GMDS: variants seen among roughly 807,000 people sequenced by gnomAD.
GMDS encodes GDP-mannose 4,6 dehydratase.
Under a neutral mutation model 49.9 loss-of-function variants are expected in GMDS, and 20 were observed. That is an observed-to-expected ratio of 0.40 (90% confidence interval 0.28 to 0.58). The LOEUF (loss-of-function observed/expected upper bound fraction) is 0.58. GMDS is among the 20% of genes least tolerant of loss of function. The pLI is 0.42. For synonymous variants in GMDS, 177 were observed against 178.6 expected (o/e 0.99, Z 0.07); for missense variants, 362 against 481.4 (o/e 0.75, Z 2.32).
intron 4 of GMDS, among the ~76,000 whole-genome samples, chr6:1,973,768 T>C (rs1764744225): frequency 6.6e-6 from 1 of 152,140 alleles, no homozygotes; most frequent in African/African-American, 2.4e-5. Flanking sequence ...TCTAAATAGC[T>C]AATAATTCTT....
At chr6:2,128,318 G>A (rs1047919691) in intron 1 of GMDS, among the ~76,000 whole-genome samples, 3 of 151,794 alleles carry the variant, frequency 2.0e-5, no homozygotes, top group East Asian at 1.9e-4. Context: ...CAGATTACAG[G>A]TGCCCACCAC....
In GMDS at chr6:2,143,493, C is replaced by T. The variant is rs542688862; in HGVS notation, c.103-18762G>A. 4.6e-5 allele frequency among the ~76,000 whole-genome samples: 7 copies of T among 152,348 alleles called. No homozygotes were observed. The East Asian group carries it at 1.4e-3, about 29-fold the overall frequency. On this transcript the variant is annotated intron_variant, in intron 1 of 10. Transcript: ENST00000380815. ...ACCAGGATAAACTGACTGTGCTACT[C>T]TTTACTTAAAAATCAGCTTGATTTC...
At chr6:1,826,249 C>T (rs1771106525) in intron 7 of GMDS, among the ~76,000 whole-genome samples, 1 of 152,162 alleles carries the variant, frequency 6.6e-6, no homozygotes, top group Non-Finnish European at 1.5e-5. Flanking sequence ...CACGTCACTA[C>T]ATGATTAAAC....
chr6:1,738,154 T>TACAC lies in GMDS; in HGVS notation c.890+4310_890+4313dup, dbSNP rs34042918. ...ACACACATACACACACAGATACACATACACACACACAGACACATACACACA... is the reference window on the plus strand; with the variant it reads ...ACACACATACACACACAGATACACATACACACACACACACAGACACATACACACA... On this transcript the variant is annotated intron_variant, in intron 8 of 10. Transcript: ENST00000380815. Among the ~76,000 whole-genome samples the TACAC allele has an allele frequency of 7.0e-4, 105 of 149,684 alleles. 1 individual carries two copies. Among genetic ancestry groups the TACAC allele is most frequent in the African/African-American group, 2.4e-3 (96 of 40,396 alleles).
rs1338970188 is a variant in GMDS, at chr6:2,245,315, A to G, written c.102+6T>C. 5 of 1,530,792 alleles carry G rather than the reference A, an allele frequency of 3.3e-6. No homozygotes were observed. Among genetic ancestry groups the G allele is most frequent in the South Asian group, 1.2e-5 (1 of 84,230 alleles). 94.8% of individuals were successfully genotyped at this position (1,530,792 alleles called of 1,614,324 possible). ...TCGGCCGGCGCGCCCCCGCCCCCGC[A>G]CTCACCTGGCCTGTGATACCGGTGA... On this transcript the variant is annotated splice_donor_region_variant and intron_variant, in intron 1 of 10. Coordinates refer to ENST00000380815, the MANE Select transcript of GMDS (RefSeq NM_001500.4).
chr6:2,212,261 C>G (rs976877662), intron 1 of GMDS, among the ~76,000 whole-genome samples: 1 of 152,160 alleles, frequency 6.6e-6, no homozygotes, highest in Non-Finnish European at 1.5e-5. Flanking sequence ...CTGTTATTTT[C>G]TACTTGGGAA....
intron 7 of GMDS, among the ~76,000 whole-genome samples, chr6:1,917,617 C>A (rs1323362464): frequency 6.6e-6 from 1 of 152,190 alleles, no homozygotes; most frequent in Non-Finnish European, 1.5e-5. Flanking sequence ...GACTAAAGGA[C>A]ACACTGTAAG....
chr6:2,041,764 G>A (rs1383829955), intron 4 of GMDS, among the ~76,000 whole-genome samples: 2 of 152,260 alleles, frequency 1.3e-5, no homozygotes, highest in South Asian at 2.1e-4. Context: ...ATATGACATT[G>A]TAAAAACACA....
intron 7 of GMDS, among the ~76,000 whole-genome samples, chr6:1,887,543 A>G (rs1759668172): frequency 6.6e-6 from 1 of 152,156 alleles, no homozygotes; most frequent in African/African-American, 2.4e-5. Flanking sequence ...TTCTGTTATG[A>G]ATTTTCTTCT....
intron 7 of GMDS, among the ~76,000 whole-genome samples, chr6:1,867,592 C>T (rs962908619): frequency 6.6e-6 from 1 of 152,202 alleles, no homozygotes; most frequent in African/African-American, 2.4e-5. Flanking sequence ...AGCTGGACCC[C>T]TGGACATTCC....
chr6:1,863,902 T>C (rs189463275), intron 7 of GMDS, among the ~76,000 whole-genome samples: 1 of 152,290 alleles, frequency 6.6e-6, no homozygotes, highest in African/African-American at 2.4e-5. Context: ...AAAAGTTTAA[T>C]ATATATTTTC....
intron 7 of GMDS, among the ~76,000 whole-genome samples, chr6:1,853,057 G>A (rs770922281): frequency 3.3e-5 from 5 of 151,976 alleles, no homozygotes; most frequent in Non-Finnish European, 7.4e-5. Flanking sequence ...TTCTGTCCTT[G>A]TTGAGAGAAA....
At position 2,135,951 on chromosome 6, in the gene GMDS, C is replaced by G. The variant is rs139359280; in HGVS notation, c.103-11220G>C. On this transcript the variant is annotated intron_variant, in intron 1 of 10. Coordinates refer to ENST00000380815, the MANE Select transcript of GMDS (RefSeq NM_001500.4). ...GAAATGTACCATTGCATGAACATTA[C>G]AGTATACTTGCACAAACCTAGGTAG... Among the ~76,000 whole-genome samples, 864 of 152,240 alleles carry G rather than the reference C, an allele frequency of 5.7e-3. 2 individuals are homozygous for G. Among genetic ancestry groups the G allele is most frequent in the Middle Eastern group, 0.017 (5 of 294 alleles).
chr6:1,746,359 C>T (rs1767495760), intron 7 of GMDS, among the ~76,000 whole-genome samples: 2 of 152,104 alleles, frequency 1.3e-5, no homozygotes, highest in Non-Finnish European at 2.9e-5. Flanking sequence ...ATTACCAGTG[C>T]ACATGAAAAA....
At chr6:2,036,279 G>C (rs1307582577) in intron 4 of GMDS, among the ~76,000 whole-genome samples, 1 of 152,096 alleles carries the variant, frequency 6.6e-6, no homozygotes, top group African/African-American at 2.4e-5. Context: ...AGATAACAAG[G>C]TGTTGATAAA....
At chr6:2,025,318 C>G (rs1293001936) in intron 4 of GMDS, among the ~76,000 whole-genome samples, 1 of 149,226 alleles carries the variant, frequency 6.7e-6, no homozygotes, top group Middle Eastern at 3.2e-3. Flanking sequence ...TGGAATAATT[C>G]AAAAATCAAA....
At chr6:2,071,741 C>T (rs1019988692) in intron 4 of GMDS, among the ~76,000 whole-genome samples, 28 of 151,166 alleles carry the variant, frequency 1.9e-4, no homozygotes, top group African/African-American at 5.6e-4. Context: ...CCTCCATTCA[C>T]GGACCTGTAG....
chr6:1,830,430 A>T (rs996205771), intron 7 of GMDS, among the ~76,000 whole-genome samples: 1 of 152,228 alleles, frequency 6.6e-6, no homozygotes, highest in African/African-American at 2.4e-5. Context: ...CCACTGTTCT[A>T]GACTCTAAAC....
At position 1,969,289 on chromosome 6, in the gene GMDS, A is replaced by AAAAAAAAAAAG. The variant is rs56095985; in HGVS notation, c.346-8324_346-8323insCTTTTTTTTTT. 1.7e-3 allele frequency among the ~76,000 whole-genome samples: 141 copies of AAAAAAAAAAAG among 84,358 alleles called. 13 individuals are homozygous for AAAAAAAAAAAG. Among genetic ancestry groups the AAAAAAAAAAAG allele is most frequent in the East Asian group, 2.0e-3 (5 of 2,512 alleles). 55.3% of individuals were successfully genotyped at this position (84,358 alleles called of 152,430 possible). On this transcript the variant is annotated intron_variant, in intron 4 of 10. Coordinates refer to ENST00000380815, the MANE Select transcript of GMDS (RefSeq NM_001500.4). ...AAAAAAAAAAAAAAAAAAAAAAAAAAAGAGAAAGAAAGAAAAAAAGAAATT... is the reference window on the plus strand; with the variant it reads ...AAAAAAAAAAAAAAAAAAAAAAAAAAAAAAAAAAAAGAGAGAAAGAAAGAAAAAAAGAAATT...
Sources: allele counts gnomAD v4.1 joint callset (sites outside exome capture counted in the v4.1 genomes callset), GRCh38; gene constraint gnomAD v4.1.1; transcripts MANE v1.5; gene names NCBI Gene and HGNC (gene_info 2026-07-23, HGNC 2026-07-21).